The following VIPAS39 variants were observed in gnomAD, a reference collection of about 807,000 sequenced individuals.
VIPAS39 encodes the protein spermatogenesis-defective protein 39 homolog.
In VIPAS39, 63 loss-of-function variants were observed where a neutral mutation model predicts 84.7. That is an observed-to-expected ratio of 0.74 (90% CI 0.61 to 0.92). The LOEUF (loss-of-function observed/expected upper bound fraction) is 0.92. VIPAS39 is among the 40% of genes least tolerant of loss of function. The pLI is 0.00. For synonymous variants in VIPAS39, 192 were observed against 216.5 expected, an observed-to-expected ratio of 0.89 and a Z score of 0.99; for missense variants, 499 against 604.5, an observed-to-expected ratio of 0.83 and a Z score of 1.83.
In VIPAS39 at chr14:77,453,151, G is replaced by A. The variant is rs2078908443; in HGVS notation, c.196+148C>T. 9.3e-6 allele frequency: 8 copies of A among 864,812 alleles called. No individual in the cohort carries two copies. The Admixed American group carries it at 1.2e-4, about 13-fold the overall frequency. The allele number at this position is 864,812 out of a possible 1,614,324, so 53.6% of individuals were successfully genotyped here. A position where few individuals can be genotyped will look rare whatever the true frequency, so the allele number is the denominator to read the frequency against. ...CTGGATTTCCCAAGTATCTTCTCCT[G>A]GAGTTAAGTTTCCAGATGTATGCTT... is the stretch of plus-strand genomic sequence containing the variant. On this transcript the variant is annotated intron_variant, in intron 3 of 19. Coordinates refer to ENST00000557658, the MANE Select transcript of VIPAS39 (RefSeq NM_001193315.2).
At chr14:77,443,269 C>G in intron 8 of VIPAS39, 117 bp from the exon 9 acceptor site, 2 of 1,241,218 alleles carry the variant, frequency 1.6e-6, no homozygotes, top group Non-Finnish European at 2.3e-6. Context: ...GCCAACAGCT[C>G]TGTATGTGAT....
At chr14:77,440,415 C>A in intron 11 of VIPAS39, 1 of 154,426 alleles carries the variant, frequency 6.5e-6, no homozygotes, top group Admixed American at 6.3e-5. Flanking sequence ...CCTTCTTGAC[C>A]TATATCTGGT....
At position 77,437,817 on chromosome 14, in the gene VIPAS39, G is replaced by C. The variant is rs767108157; in HGVS notation, c.827C>G (p.Thr276Ser). ...DPDKRKEFLK[T>S]CVGLPFSAED... ...TTTCCCCCATACTTACCCAACACAG[G>C]TTTTAAGAAATTCTTTTCGTTTGTC... Residue 276 changes from threonine to serine, a missense_variant, in exon 12 of 20, where the codon ACC (threonine) becomes AGC (serine). Transcript: ENST00000557658. The C allele has an allele frequency of 6.2e-7, 1 of 1,613,970 alleles. No homozygotes were observed. The highest frequency in any genetic ancestry group is 1.1e-5 in the South Asian group (1 of 91,076).
chr14:77,441,465 G>A (rs971983040), intron 10 of VIPAS39, among the ~76,000 whole-genome samples: 7 of 152,200 alleles, frequency 4.6e-5, no homozygotes, highest in Non-Finnish European at 1.0e-4. Context: ...TTCATGGACA[G>A]AGTACAATGT....
intron 3 of VIPAS39, among the ~76,000 whole-genome samples, chr14:77,452,218 G>C (rs1371915107): frequency 1.3e-5 from 2 of 152,190 alleles, no homozygotes; most frequent in East Asian, 3.9e-4. Context: ...AAAGAGCAAG[G>C]TATGAAGCAT....
chr14:77,435,427 A>AC, intron 13 of VIPAS39, 34 bp from the exon 14 acceptor site: 1 of 1,611,176 alleles, frequency 6.2e-7, no homozygotes, highest in Non-Finnish European at 8.5e-7. Context: ...AAAAAAAAAA[A>AC]AACAATGTCC....
chr14:77,448,633 C>G (rs1050136439), intron 6 of VIPAS39, 83 bp from the exon 7 acceptor site: 6 of 1,396,492 alleles, frequency 4.3e-6, no homozygotes, highest in Middle Eastern at 3.6e-4. Context: ...CAAACTCAGT[C>G]TTAGTGTCTA....
At chr14:77,452,370 A>C (rs919721030) in intron 3 of VIPAS39, among the ~76,000 whole-genome samples, 1 of 152,188 alleles carries the variant, frequency 6.6e-6, no homozygotes. Context: ...GAGAAGATAC[A>C]TAACAATATG....
At chr14:77,450,922 A>G (rs1324355773) in intron 4 of VIPAS39, among the ~76,000 whole-genome samples, 1 of 152,178 alleles carries the variant, frequency 6.6e-6, no homozygotes, top group Non-Finnish European at 1.5e-5. Context: ...ATGCACAAGG[A>G]GTAGGGAGGA....
intron 16 of VIPAS39, among the ~76,000 whole-genome samples, chr14:77,433,088 GA>G (rs908592073): frequency 6.6e-6 from 1 of 151,966 alleles, no homozygotes; most frequent in Non-Finnish European, 1.5e-5. Flanking sequence ...GATCCTGATA[GA>G]AAAAAATACA....
At chr14:77,457,190 G>T in intron 1 of VIPAS39, 1 of 1,482,500 alleles carries the variant, frequency 6.7e-7, no homozygotes, top group South Asian at 1.3e-5. Context: ...AAGCTAGGAT[G>T]ACTCTACGGG....
At chr14:77,435,754 A>C (rs976740418) in intron 13 of VIPAS39, 90 bp downstream of exon 13, 27 of 1,375,422 alleles carry the variant, frequency 2.0e-5, no homozygotes, top group Non-Finnish European at 2.7e-5. Context: ...GTAAGAAATG[A>C]CCCACGTGCA....
At chr14:77,430,848 C>G (rs1294416651) in intron 16 of VIPAS39, among the ~76,000 whole-genome samples, 2 of 151,722 alleles carry the variant, frequency 1.3e-5, no homozygotes, top group Non-Finnish European at 2.9e-5. Context: ...ACACATAGAC[C>G]AGTGGAATAG....
In VIPAS39 at chr14:77,442,793, C is replaced by G; in HGVS notation, c.632-131G>C. 9.0e-6 allele frequency: 8 copies of G among 892,752 alleles called. No individual in the cohort carries two copies. The South Asian group carries it at 1.1e-4, about 12-fold the overall frequency. 55.3% of individuals were successfully genotyped at this position (892,752 alleles called of 1,614,324 possible). A position where few individuals can be genotyped will look rare whatever the true frequency, so the allele number is the denominator to read the frequency against. Reference sequence around the variant, plus strand: ...AACAAAAGCTAAGAATGGTTTACCCCTATGTCTTAATTCACCATCAACACA... The same window carrying G: ...AACAAAAGCTAAGAATGGTTTACCCGTATGTCTTAATTCACCATCAACACA... On this transcript the variant is annotated intron_variant, in intron 9 of 19. Coordinates refer to ENST00000557658, the MANE Select transcript of VIPAS39 (RefSeq NM_001193315.2).
chr14:77,449,749 C>T lies in VIPAS39; in HGVS notation c.347G>A (p.Arg116Lys). The change falls in exon 5 of 20, where the codon AGA (arginine) becomes AAA (lysine). Residue 116 changes from arginine (R) to lysine (K), a missense_variant. Coordinates refer to ENST00000557658, the MANE Select transcript of VIPAS39 (RefSeq NM_001193315.2). ...TYSLSSFFRG[R>K]TRPGSFQSLS... is the part of the protein sequence containing the mutation. ...GGACTGGAAACTTCCAGGTCTAGTT[C>T]TACCTAAAGGTAAAGAACACAAGAG... 6.2e-7 allele frequency: 1 copy of T among 1,614,100 alleles called. No individual in the cohort carries two copies. Among genetic ancestry groups the T allele is most frequent in the Middle Eastern group, 1.6e-4 (1 of 6,062 alleles).
At chr14:77,446,549 A>G (rs934775444) in intron 7 of VIPAS39, among the ~76,000 whole-genome samples, 2 of 152,186 alleles carry the variant, frequency 1.3e-5, no homozygotes, top group African/African-American at 4.8e-5. Flanking sequence ...AGGCAATCCC[A>G]ATAAAAATCT....
intron 16 of VIPAS39, 60 bp downstream of exon 16, chr14:77,433,782 T>A: frequency 6.4e-7 from 1 of 1,552,846 alleles, no homozygotes. Context: ...CTAGAACTTA[T>A]AACATGATAG....
Position 77,449,276 on chromosome 14 carries a change from T to C in VIPAS39, c.447+17A>G, listed in dbSNP as rs2078845356. On this transcript the variant is annotated intron_variant, in intron 6 of 19. Transcript: ENST00000557658. ...TATACTGTGGAAAGTGTCACACCAG[T>C]GTATGCTGTAACTCACCCTATACTC... 1 of 1,612,194 alleles carries C rather than the reference T, an allele frequency of 6.2e-7. No individual in the cohort carries two copies. The highest frequency in any genetic ancestry group is 8.5e-7 in the Non-Finnish European group (1 of 1,178,336).
intron 11 of VIPAS39, among the ~76,000 whole-genome samples, chr14:77,438,601 G>C (rs535331289): frequency 6.6e-6 from 1 of 152,328 alleles, no homozygotes; most frequent in East Asian, 1.9e-4. Flanking sequence ...GCACTGAGTA[G>C]ATAGAGTACC....
Sources: allele counts gnomAD v4.1 joint callset (sites outside exome capture counted in the v4.1 genomes callset), GRCh38; gene constraint gnomAD v4.1.1; transcripts MANE v1.5; gene names NCBI Gene and HGNC (gene_info 2026-07-23, HGNC 2026-07-21).